Variants in ANO3 observed in about 807,000 individuals in gnomAD.
The protein encoded by ANO3 is anoctamin 3, also known as anoctamin-3.
In ANO3, 99 loss-of-function variants were observed where a neutral mutation model predicts 144.8. The observed-to-expected ratio is 0.68, with a 90% CI of 0.58 to 0.81. The LOEUF (loss-of-function observed/expected upper bound fraction) is 0.81, where lower values mean the gene tolerates loss of function less well. ANO3 is among the 30% of genes least tolerant of loss of function. ANO3 has a pLI of 0.00. For missense variants in ANO3, 905 were observed against 1,202.2 expected (o/e 0.75, Z 3.66); for synonymous variants, 414 against 392.6 (o/e 1.05, Z -0.64).
intron 1 of ANO3, among the ~76,000 whole-genome samples, chr11:26,334,959 T>C (rs999497822): frequency 6.6e-6 from 1 of 152,190 alleles, no homozygotes; most frequent in Non-Finnish European, 1.5e-5. Flanking sequence ...ACACAAGGCA[T>C]AGGGATTCTC....
chr11:26,447,348 T>C (rs912156018), intron 3 of ANO3, among the ~76,000 whole-genome samples: 1 of 152,118 alleles, frequency 6.6e-6, no homozygotes, highest in Non-Finnish European at 1.5e-5. Context: ...TAACAACCCT[T>C]TTAGTTAGGT....
intron 4 of ANO3, among the ~76,000 whole-genome samples, chr11:26,498,157 A>G (rs1252298554): frequency 6.6e-6 from 1 of 152,062 alleles, no homozygotes; most frequent in Non-Finnish European, 1.5e-5. Flanking sequence ...TCTAATAAGC[A>G]TATGTGAATC....
chr11:26,622,795 C>G (rs752731379), intron 17 of ANO3, among the ~76,000 whole-genome samples: 4 of 152,154 alleles, frequency 2.6e-5, no homozygotes, highest in Non-Finnish European at 4.4e-5. Flanking sequence ...ACCTACTTAA[C>G]AAAATTGTTG....
upstream of ANO3, chr11:26,331,601 G>A (rs773026976): frequency 1.3e-5 from 2 of 152,136 alleles, no homozygotes; most frequent in Non-Finnish European, 2.9e-5. Flanking sequence ...GTTATAAATG[G>A]TCCTCAGTCA....
In ANO3 at chr11:26,412,665, G is replaced by A. The variant is rs377024108; in HGVS notation, c.47-29253G>A. ...TCTGTCTTTCTTGACCTCAAGAGGC[G>A]GAGTACAGTGGTAAAGATACAGCTT... On this transcript the variant is annotated intron_variant, in intron 1 of 26. Coordinates refer to ENST00000256737, the MANE Select transcript of ANO3 (RefSeq NM_031418.4). Among the ~76,000 whole-genome samples the A allele has an allele frequency of 3.0e-3, 459 of 152,004 alleles. 22 individuals carry two copies. The South Asian group carries it at 0.09, about 30-fold the overall frequency.
chr11:26,383,967 G>A (rs1363470241), intron 1 of ANO3, among the ~76,000 whole-genome samples: 3 of 120,912 alleles, frequency 2.5e-5, no homozygotes, highest in Non-Finnish European at 4.7e-5. Flanking sequence ...GTGCGATCTT[G>A]GCTCACTGCA....
At chr11:26,507,417 A>T (rs1339165128) in intron 4 of ANO3, among the ~76,000 whole-genome samples, 1 of 152,208 alleles carries the variant, frequency 6.6e-6, no homozygotes, top group African/African-American at 2.4e-5. Flanking sequence ...AAGGCCCTAG[A>T]GCAGTCTTGC....
chr11:26,643,313 C>T lies in ANO3; in HGVS notation c.2407C>T (p.Pro803Ser), dbSNP rs867958043. 3.1e-6 allele frequency: 5 copies of T among 1,614,044 alleles called. No individual in the cohort carries two copies. The highest frequency in any genetic ancestry group is 4.2e-6 in the Non-Finnish European group (5 of 1,179,984). Residue 803 changes from proline to serine, a missense_variant, in exon 23 of 27, where the codon CCA becomes TCA. By Grantham distance (74) the Pro-to-Ser change is moderately conservative. Transcript: ENST00000256737. ...KFVTQWRRPL[P>S]ARATDIGIWL... ...TGTCACTCAATGGCGGAGGCCTTTG[C>T]CAGCCCGAGCAACTGACATAGGTAA...
chr11:26,194,632 C>A (rs1851548934), intron 1 of ANO3, among the ~76,000 whole-genome samples: 2 of 151,990 alleles, frequency 1.3e-5, no homozygotes, highest in African/African-American at 4.8e-5. Flanking sequence ...TCCCGAGTAG[C>A]TGGGATTATA....
chr11:26,527,637 A>G (rs1262147480), intron 7 of ANO3, among the ~76,000 whole-genome samples: 1 of 152,126 alleles, frequency 6.6e-6, no homozygotes, highest in East Asian at 1.9e-4. Flanking sequence ...TATTTTCCTC[A>G]CATGCTTAGT....
At chr11:26,320,075 G>A (rs1564963519) in intron 1 of ANO3, among the ~76,000 whole-genome samples, 2 of 152,126 alleles carry the variant, frequency 1.3e-5, no homozygotes, top group Admixed American at 6.6e-5. Context: ...TGGAGTGAGT[G>A]AGATTATGAT....
intron 1 of ANO3, among the ~76,000 whole-genome samples, chr11:26,302,602 T>TA (rs1854262365): frequency 6.6e-6 from 1 of 152,052 alleles, no homozygotes; most frequent in Non-Finnish European, 1.5e-5. Flanking sequence ...TTCAAACTAT[T>TA]TATATATTTA....
chr11:26,215,651 T>G (rs1337161741), intron 1 of ANO3, among the ~76,000 whole-genome samples: 2 of 152,004 alleles, frequency 1.3e-5, no homozygotes, highest in East Asian at 3.9e-4. Flanking sequence ...TGCTACTAAT[T>G]TCAGGGTCTC....
chr11:26,237,618 AAAAATAAC>A (rs2133808160), intron 1 of ANO3, among the ~76,000 whole-genome samples: 1 of 152,152 alleles, frequency 6.6e-6, no homozygotes, highest in South Asian at 2.1e-4. Flanking sequence ...TTAGCCATAG[AAAAATAAC>A]AAAATGATGT....
chr11:26,376,634 G>T (rs1291649739), intron 1 of ANO3, among the ~76,000 whole-genome samples: 1 of 150,436 alleles, frequency 6.6e-6, no homozygotes, highest in Non-Finnish European at 1.5e-5. Flanking sequence ...CTTAGGGAAA[G>T]AATCTACTGC....
chr11:26,465,972 T>C (rs1455752421), intron 4 of ANO3, among the ~76,000 whole-genome samples: 17 of 151,988 alleles, frequency 1.1e-4, no homozygotes, highest in Non-Finnish European at 2.5e-4. Flanking sequence ...CTTCAAATCA[T>C]AAGTTTTTAG....
chr11:26,252,395 G>A (rs1200314203), intron 1 of ANO3, among the ~76,000 whole-genome samples: 2 of 152,040 alleles, frequency 1.3e-5, no homozygotes, highest in African/African-American at 4.8e-5. Context: ...TGGAAGTTCA[G>A]AGCCTGTTAT....
intron 1 of ANO3, among the ~76,000 whole-genome samples, chr11:26,390,540 T>C (rs903875725): frequency 6.6e-6 from 1 of 152,104 alleles, no homozygotes; most frequent in Non-Finnish European, 1.5e-5. Flanking sequence ...CTTATATGCA[T>C]AGAACACTAG....
intron 1 of ANO3, among the ~76,000 whole-genome samples, chr11:26,245,018 T>TGTGTGTGTGTGCGCGCGC (rs151031559): frequency 2.8e-5 from 4 of 145,426 alleles, no homozygotes; most frequent in South Asian, 2.2e-4. Flanking sequence ...TGTGTGTGTG[T>TGTGTGTGTGTGCGCGCGC]GTGCATGCAT....
Sources: allele counts gnomAD v4.1 joint callset (sites outside exome capture counted in the v4.1 genomes callset), GRCh38; gene constraint gnomAD v4.1.1; transcripts MANE v1.5; gene names NCBI Gene and HGNC (gene_info 2026-07-23, HGNC 2026-07-21).